The following TRAF3 variants were observed in gnomAD, a reference collection of about 807,000 sequenced individuals.
TRAF3 encodes TNF receptor associated factor 3.
TRAF3 carries 13 observed loss-of-function variants against 62.3 expected under a neutral mutation model. That is an observed-to-expected ratio of 0.21 (90% CI 0.14 to 0.33). The LOEUF (loss-of-function observed/expected upper bound fraction) is 0.33. Among genes scored for constraint, TRAF3 ranks in the 10% least tolerant of loss-of-function variants. The probability of loss-of-function intolerance (pLI) is 1.00; values close to 1 mark genes in which losing one functional copy is unlikely to be tolerated. For missense variants in TRAF3, 440 were observed against 741.8 expected (o/e 0.59, Z 4.73); for synonymous variants, 269 against 283.4 (o/e 0.95, Z 0.51).
chr14:102,840,194 A>G (rs1203274787), intron 2 of TRAF3, among the ~76,000 whole-genome samples: 1 of 152,140 alleles, frequency 6.6e-6, no homozygotes, highest in East Asian at 1.9e-4. Flanking sequence ...ATCAAATTTG[A>G]TGCAAAAAAA....
At chr14:102,791,744 A>G (rs934093784) in intron 1 of TRAF3, among the ~76,000 whole-genome samples, 1 of 152,066 alleles carries the variant, frequency 6.6e-6, no homozygotes, top group African/African-American at 2.4e-5. Context: ...GAGCATCCTC[A>G]TATTGTTCCT....
chr14:102,807,106 A>G (rs1194920768), intron 1 of TRAF3, among the ~76,000 whole-genome samples: 1 of 152,040 alleles, frequency 6.6e-6, no homozygotes, highest in African/African-American at 2.4e-5. Flanking sequence ...ACTTCACCCC[A>G]GTTTTCTCCA....
At chr14:102,883,735 G>C (rs1162040204) in intron 6 of TRAF3, among the ~76,000 whole-genome samples, 9 of 152,062 alleles carry the variant, frequency 5.9e-5, no homozygotes, top group Admixed American at 5.2e-4. Flanking sequence ...ACGGGTGCCC[G>C]CCACCGCACC....
chr14:102,831,047 C>T lies in TRAF3; in HGVS notation c.-18+575C>T, dbSNP rs532706440. The stretch of plus-strand genomic sequence containing the variant: ...ATCTTGAAAGAAGACTGAGATTTTA[C>T]TGTATAACTCACTTAGGGTGACATT... On this transcript the variant is annotated intron_variant, in intron 2 of 11. Transcript: ENST00000392745. Among the ~76,000 whole-genome samples the T allele has an allele frequency of 5.3e-5, 8 of 152,282 alleles. 2 individuals are homozygous for T. The highest frequency in any genetic ancestry group is 1.7e-4 in the African/African-American group (7 of 41,552).
chr14:102,875,567 C>A, intron 4 of TRAF3, 57 bp from the exon 5 acceptor site: 1 of 1,468,518 alleles, frequency 6.8e-7, no homozygotes, highest in Non-Finnish European at 9.5e-7. Context: ...TCCAAAGTAG[C>A]AGCATGTGGA....
At chr14:102,887,434 G>T (rs1379575317) in intron 7 of TRAF3, among the ~76,000 whole-genome samples, 1 of 152,234 alleles carries the variant, frequency 6.6e-6, no homozygotes, top group African/African-American at 2.4e-5. Context: ...TGCCCTCCCA[G>T]CACCTTGAAG....
At chr14:102,859,667 C>T (rs757008181) in intron 2 of TRAF3, among the ~76,000 whole-genome samples, 9 of 152,164 alleles carry the variant, frequency 5.9e-5, no homozygotes, top group East Asian at 3.8e-4. Context: ...AAAGGCATTA[C>T]GCTTTTTATT....
At chr14:102,812,730 T>C (rs940803161) in intron 1 of TRAF3, among the ~76,000 whole-genome samples, 3 of 151,470 alleles carry the variant, frequency 2.0e-5, no homozygotes, top group South Asian at 2.1e-4. Flanking sequence ...CCATCTTGGC[T>C]AACACGGTGA....
At chr14:102,883,399 A>G (rs1370334993) in intron 6 of TRAF3, among the ~76,000 whole-genome samples, 1 of 152,188 alleles carries the variant, frequency 6.6e-6, no homozygotes, top group Non-Finnish European at 1.5e-5. Flanking sequence ...TGGCACACAT[A>G]TGTATAGTGA....
At chr14:102,800,945 A>G (rs560129375) in intron 1 of TRAF3, among the ~76,000 whole-genome samples, 5 of 151,664 alleles carry the variant, frequency 3.3e-5, no homozygotes, top group East Asian at 3.9e-4. Context: ...TTGGGAGGCC[A>G]AGGCGGGCGG....
chr14:102,817,754 T>G (rs2139558515), intron 1 of TRAF3, among the ~76,000 whole-genome samples: 1 of 152,360 alleles, frequency 6.6e-6, no homozygotes, highest in East Asian at 1.9e-4. Context: ...ATCCTCAGGG[T>G]TCTCTCTCCT....
At chr14:102,817,694 C>T (rs919847700) in intron 1 of TRAF3, among the ~76,000 whole-genome samples, 3 of 152,172 alleles carry the variant, frequency 2.0e-5, no homozygotes, top group African/African-American at 4.8e-5. Flanking sequence ...GCATGAATTT[C>T]GAATACAAAA....
intron 1 of TRAF3, among the ~76,000 whole-genome samples, chr14:102,828,040 C>T (rs1164087353): frequency 1.3e-5 from 2 of 152,282 alleles, no homozygotes; most frequent in East Asian, 1.9e-4. Context: ...GCGCACAGCG[C>T]ACTCGTTTCC....
chr14:102,870,563 A>G (rs1566786320), intron 3 of TRAF3, 117 bp downstream of exon 3: 3 of 1,410,410 alleles, frequency 2.1e-6, no homozygotes, highest in Non-Finnish European at 2.9e-6. Context: ...AAAGAAGTCC[A>G]TAAAAGCCTC....
chr14:102,869,308 C>G (rs1253147685), intron 2 of TRAF3, among the ~76,000 whole-genome samples: 2 of 152,266 alleles, frequency 1.3e-5, no homozygotes, highest in African/African-American at 4.8e-5. Context: ...AGGAACAACC[C>G]CTGGGCTCCA....
intron 2 of TRAF3, among the ~76,000 whole-genome samples, chr14:102,851,612 CG>C (rs1566775091): frequency 6.6e-6 from 1 of 152,188 alleles, no homozygotes; most frequent in East Asian, 1.9e-4. Flanking sequence ...GGCCTGGTGG[CG>C]GGCACCTGTA....
At chr14:102,848,710 T>C (rs1205297829) in intron 2 of TRAF3, among the ~76,000 whole-genome samples, 1 of 152,238 alleles carries the variant, frequency 6.6e-6, no homozygotes, top group African/African-American at 2.4e-5. Context: ...ATAGAATACT[T>C]TTCCCCATCC....
chr14:102,846,059 G>C (rs1886703491), intron 2 of TRAF3, among the ~76,000 whole-genome samples: 1 of 143,870 alleles, frequency 7.0e-6, no homozygotes, highest in Non-Finnish European at 1.5e-5. Context: ...TTTGGCAATT[G>C]TTGTTGAAAA....
At chr14:102,800,112 A>G (rs1402133914) in intron 1 of TRAF3, among the ~76,000 whole-genome samples, 1 of 152,204 alleles carries the variant, frequency 6.6e-6, no homozygotes, top group Non-Finnish European at 1.5e-5. Context: ...AGAAATGACC[A>G]CAAAAACTGA....
Sources: gnomAD v4.1 joint callset for allele counts (sites outside exome capture counted in the v4.1 genomes callset) on GRCh38, gnomAD v4.1.1 for gene constraint, MANE v1.5 for transcripts, NCBI Gene and HGNC (gene_info 2026-07-23, HGNC 2026-07-21) for gene names.